Variants in CYP7B1 observed in about 807,000 individuals in gnomAD.
CYP7B1 encodes the protein cytochrome P450 family 7 subfamily B member 1, also known as cytochrome P450 7B1.
A neutral mutation model predicts 42.7 loss-of-function variants in CYP7B1; 29 were observed. The observed-to-expected ratio is 0.68, with a 90% CI of 0.51 to 0.93. The LOEUF (loss-of-function observed/expected upper bound fraction) is 0.93. Ranked by LOEUF, CYP7B1 falls within the 40% of genes least tolerant of loss-of-function variation. The pLI, the probability that CYP7B1 is intolerant of heterozygous loss-of-function variation, is 0.00. For missense variants in CYP7B1, 655 were observed against 600.5 expected (o/e 1.09, Z -0.95); for synonymous variants, 235 against 218.2 (o/e 1.08, Z -0.68).
intron 1 of CYP7B1, among the ~76,000 whole-genome samples, chr8:64,692,005 A>T (rs958936703): frequency 6.6e-6 from 1 of 152,224 alleles, no homozygotes; most frequent in Non-Finnish European, 1.5e-5. Context: ...GTCAGCATCA[A>T]CTGAATGTCC....
intron 1 of CYP7B1, among the ~76,000 whole-genome samples, chr8:64,631,327 G>GA (rs919277711): frequency 3.2e-4 from 49 of 151,280 alleles, no homozygotes; most frequent in African/African-American, 4.6e-4. Context: ...ACAGGCTAAA[G>GA]AAAAAAAATC....
intron 1 of CYP7B1, among the ~76,000 whole-genome samples, chr8:64,709,346 T>C (rs1168489523): frequency 6.6e-6 from 1 of 152,234 alleles, no homozygotes; most frequent in Non-Finnish European, 1.5e-5. Context: ...TTTCTGAATA[T>C]AAAGTGTAGA....
chr8:64,646,823 G>A (rs1805960738), intron 1 of CYP7B1, among the ~76,000 whole-genome samples: 2 of 152,116 alleles, frequency 1.3e-5, no homozygotes, highest in African/African-American at 4.8e-5. Context: ...TTATTCAGAC[G>A]GCTAAAACTT....
At chr8:64,797,202 A>T (rs1436764740) in intron 1 of CYP7B1, among the ~76,000 whole-genome samples, 1 of 152,122 alleles carries the variant, frequency 6.6e-6, no homozygotes, top group Non-Finnish European at 1.5e-5. Flanking sequence ...CCACATTCTC[A>T]CACCAATCAC....
intron 1 of CYP7B1, among the ~76,000 whole-genome samples, chr8:64,722,752 G>GC (rs1411897721): frequency 1.0e-5 from 1 of 97,366 alleles, no homozygotes; most frequent in Non-Finnish European, 2.0e-5. Flanking sequence ...GCGGGGGGGG[G>GC]GGGGCGGGAG....
chr8:64,749,280 C>T (rs937688885), intron 1 of CYP7B1, among the ~76,000 whole-genome samples: 2 of 152,008 alleles, frequency 1.3e-5, no homozygotes, highest in African/African-American at 4.8e-5. Flanking sequence ...GGGGTTTCAC[C>T]ATGTTGGCCA....
chr8:64,597,080 G>T (rs1446929244), intron 5 of CYP7B1, 151 bp from the exon 6 acceptor site: 3 of 621,694 alleles, frequency 4.8e-6, no homozygotes, highest in East Asian at 2.9e-5. Context: ...AATTAAGCAT[G>T]AACTTTCAAA....
chr8:64,662,978 A>G (rs1806220945), intron 1 of CYP7B1, among the ~76,000 whole-genome samples: 1 of 152,054 alleles, frequency 6.6e-6, no homozygotes, highest in South Asian at 2.1e-4. Flanking sequence ...TTCTACTCCT[A>G]TACTCAAGTA....
intron 1 of CYP7B1, chr8:64,728,212 A>C (rs1249113223): frequency 2.0e-5 from 3 of 152,250 alleles, no homozygotes; most frequent in Admixed American, 6.5e-5. Flanking sequence ...TGGAGAGTTT[A>C]ATTATCATGC....
intron 1 of CYP7B1, among the ~76,000 whole-genome samples, chr8:64,641,381 T>C (rs1805853976): frequency 6.6e-6 from 1 of 152,078 alleles, no homozygotes; most frequent in Non-Finnish European, 1.5e-5. Flanking sequence ...AAGTAAGCCA[T>C]CTAAAGCAAA....
At chr8:64,606,697 TAGTA>T (rs1225874481) in intron 4 of CYP7B1, among the ~76,000 whole-genome samples, 1 of 152,214 alleles carries the variant, frequency 6.6e-6, no homozygotes, top group Non-Finnish European at 1.5e-5. Context: ...AGCGGTCAGA[TAGTA>T]AGTGACAAAT....
chr8:64,639,470 T>C (rs539738300), intron 1 of CYP7B1, among the ~76,000 whole-genome samples: 44 of 152,130 alleles, frequency 2.9e-4, no homozygotes, highest in African/African-American at 9.9e-4. Flanking sequence ...TGAATAAACA[T>C]TTCACCAAAA....
At chr8:64,700,628 C>T (rs1382612028) in intron 1 of CYP7B1, among the ~76,000 whole-genome samples, 1 of 152,052 alleles carries the variant, frequency 6.6e-6, no homozygotes, top group African/African-American at 2.4e-5. Context: ...TCATGGGAGT[C>T]GTGATTGGTA....
intron 1 of CYP7B1, among the ~76,000 whole-genome samples, chr8:64,704,326 A>G (rs1299934158): frequency 1.3e-5 from 2 of 152,066 alleles, no homozygotes; most frequent in Non-Finnish European, 2.9e-5. Context: ...TACTCTTTCT[A>G]AAGAGGCAAT....
chr8:64,775,526 C>T (rs949713145), intron 1 of CYP7B1, among the ~76,000 whole-genome samples: 2 of 152,028 alleles, frequency 1.3e-5, no homozygotes, highest in Non-Finnish European at 2.9e-5. Flanking sequence ...TTGTTGATGA[C>T]CTACAATGTG....
intron 1 of CYP7B1, among the ~76,000 whole-genome samples, chr8:64,723,968 A>C (rs1361259896): frequency 3.3e-5 from 5 of 152,130 alleles, no homozygotes; most frequent in African/African-American, 9.7e-5. Flanking sequence ...TCTTTAAAAA[A>C]CTAACTGGCA....
chr8:64,695,324 G>A (rs912936533), intron 1 of CYP7B1, among the ~76,000 whole-genome samples: 6 of 152,140 alleles, frequency 3.9e-5, no homozygotes, highest in African/African-American at 1.4e-4. Context: ...GCAGGTTAGG[G>A]GCGATGTACA....
intron 1 of CYP7B1, among the ~76,000 whole-genome samples, chr8:64,628,303 C>A (rs1161090387): frequency 6.6e-6 from 1 of 152,140 alleles, no homozygotes; most frequent in Non-Finnish European, 1.5e-5. Flanking sequence ...AGTTGTAGGG[C>A]ACATCTTAAA....
chr8:64,724,594 A>G (rs746551778), intron 1 of CYP7B1, among the ~76,000 whole-genome samples: 4 of 152,234 alleles, frequency 2.6e-5, no homozygotes, highest in Non-Finnish European at 5.9e-5. Context: ...ATGTCTGAGA[A>G]GCAAGTCTGG....
Sources: allele counts gnomAD v4.1 joint callset (sites outside exome capture counted in the v4.1 genomes callset), GRCh38; gene constraint gnomAD v4.1.1; transcripts MANE v1.5; gene names NCBI Gene and HGNC (gene_info 2026-07-23, HGNC 2026-07-21).